Variants in RPS6KA5 observed in about 807,000 individuals in gnomAD.
RPS6KA5 encodes the protein ribosomal protein S6 kinase alpha-5.
A neutral mutation model predicts 85.5 loss-of-function variants in RPS6KA5; 27 were observed. The observed-to-expected ratio is 0.32, with a 90% CI of 0.23 to 0.44. RPS6KA5 has a LOEUF of 0.44. Among genes scored for constraint, RPS6KA5 ranks in the 20% least tolerant of loss-of-function variants. RPS6KA5 has a pLI of 1.00. For synonymous variants in RPS6KA5, 334 were observed against 348.2 expected (o/e 0.96, Z 0.46); for missense variants, 811 against 980.9 (o/e 0.83, Z 2.31).
chr14:91,028,428 GC>G (rs1355277375), intron 1 of RPS6KA5, among the ~76,000 whole-genome samples: 1 of 152,062 alleles, frequency 6.6e-6, no homozygotes, highest in Non-Finnish European at 1.5e-5. Flanking sequence ...CGTTGCCCAG[GC>G]TGGTCTCAAA....
At chr14:91,045,072 T>C (rs1730914395) in intron 1 of RPS6KA5, among the ~76,000 whole-genome samples, 1 of 152,084 alleles carries the variant, frequency 6.6e-6, no homozygotes. Flanking sequence ...AATTTAGGTC[T>C]CATAAGGATT....
In RPS6KA5 at chr14:90,869,118, C is replaced by CT. The variant is rs2032938845; in HGVS notation, c.*2955dup. 1 of 152,354 alleles carries CT rather than the reference C, an allele frequency of 6.6e-6. No individual in the cohort carries two copies. The highest frequency in any genetic ancestry group is 1.5e-5 in the Non-Finnish European group (1 of 68,176). 9.4% of individuals were successfully genotyped at this position (152,354 alleles called of 1,614,324 possible). On this transcript the variant is annotated 3_prime_UTR_variant, in exon 17 of 17. Coordinates refer to ENST00000614987, the MANE Select transcript of RPS6KA5 (RefSeq NM_004755.4). ...AGTGCAGTGGTGTGATCACAGCTCA[C>CT]TGCAGCCTCGAACTCCTGGGCTCAA...
At chr14:91,033,693 A>C (rs2042284929) in intron 1 of RPS6KA5, among the ~76,000 whole-genome samples, 5 of 152,252 alleles carry the variant, frequency 3.3e-5, no homozygotes. Flanking sequence ...TAATAAAACT[A>C]TTTTGAGATA....
intron 3 of RPS6KA5, among the ~76,000 whole-genome samples, chr14:90,968,851 G>A (rs1025602201): frequency 2.0e-5 from 3 of 152,160 alleles, no homozygotes; most frequent in African/African-American, 7.2e-5. Context: ...TCTTGTTCAA[G>A]ATCACACAGT....
intron 4 of RPS6KA5, among the ~76,000 whole-genome samples, chr14:90,946,491 A>C (rs1433321197): frequency 6.6e-6 from 1 of 151,792 alleles, no homozygotes; most frequent in Non-Finnish European, 1.5e-5. Flanking sequence ...TCACGGCCTC[A>C]CCCACCTGTT....
At chr14:91,041,906 G>GAA (rs2042618343) in intron 1 of RPS6KA5, among the ~76,000 whole-genome samples, 1 of 152,120 alleles carries the variant, frequency 6.6e-6, no homozygotes, top group Non-Finnish European at 1.5e-5. Context: ...GAGTCAATAA[G>GAA]AAAACAAATG....
chr14:90,980,161 T>C (rs1193158904), intron 2 of RPS6KA5, among the ~76,000 whole-genome samples: 2 of 152,156 alleles, frequency 1.3e-5, no homozygotes, highest in African/African-American at 2.4e-5. Flanking sequence ...AATAAAAAAA[T>C]GTTTATCTAT....
At chr14:90,905,383 G>C (rs934716703) in intron 8 of RPS6KA5, among the ~76,000 whole-genome samples, 1 of 152,076 alleles carries the variant, frequency 6.6e-6, no homozygotes, top group African/African-American at 2.4e-5. Flanking sequence ...TTTAGGTCAG[G>C]CTTACTGATA....
intron 3 of RPS6KA5, among the ~76,000 whole-genome samples, chr14:90,951,455 A>G (rs2038182790): frequency 1.3e-5 from 2 of 152,178 alleles, no homozygotes; most frequent in South Asian, 4.1e-4. Flanking sequence ...AGCCTGGGCG[A>G]CAGAGTGAGA....
intron 5 of RPS6KA5, among the ~76,000 whole-genome samples, chr14:90,932,619 C>G (rs1224758000): frequency 6.6e-6 from 1 of 152,202 alleles, no homozygotes. Flanking sequence ...AGAAGACCTT[C>G]TATAAGCTGC....
In RPS6KA5 at chr14:90,861,070, T is replaced by C. The variant is rs1039280352; in HGVS notation, c.*11004A>G. ...CCACTCCTGGCTCATTTTTTGTATT[T>C]TTAGTAGAAACGGGGTTTCACCATG... On this transcript the variant is annotated 3_prime_UTR_variant, in exon 17 of 17. Transcript: ENST00000614987. 1 of 151,578 alleles carries C rather than the reference T, an allele frequency of 6.6e-6. No individual in the cohort carries two copies. The highest frequency in any genetic ancestry group is 6.6e-5 in the Admixed American group (1 of 15,252). The allele number at this position is 151,578 out of a possible 1,614,324, so 9.4% of individuals were successfully genotyped here. A position where few individuals can be genotyped will look rare whatever the true frequency, so the allele number is the denominator to read the frequency against.
chr14:90,914,164 G>A (rs2035980328), intron 7 of RPS6KA5, among the ~76,000 whole-genome samples: 1 of 151,496 alleles, frequency 6.6e-6, no homozygotes, highest in South Asian at 2.1e-4. Context: ...CAGAGGTGGC[G>A]GCAAAGAATC....
At chr14:90,996,858 A>G (rs961080980) in intron 2 of RPS6KA5, among the ~76,000 whole-genome samples, 2 of 152,208 alleles carry the variant, frequency 1.3e-5, no homozygotes, top group Non-Finnish European at 2.9e-5. Context: ...ATACTCATCC[A>G]TTCATTCAAA....
At position 90,928,319 on chromosome 14, in the gene RPS6KA5, A is replaced by G. The variant is rs549865824; in HGVS notation, c.619-5123T>C. Reference sequence around the variant, plus strand: ...TAAAAATTCACAGCTTTATTTTAAAAAGATTAAATATTAGTGAGCTGGATG... The same window carrying G: ...TAAAAATTCACAGCTTTATTTTAAAGAGATTAAATATTAGTGAGCTGGATG... On this transcript the variant is annotated intron_variant, in intron 5 of 16. Transcript: ENST00000614987. 7.9e-5 allele frequency among the ~76,000 whole-genome samples: 12 copies of G among 152,238 alleles called. No homozygotes were observed. The South Asian group carries it at 2.5e-3, about 32-fold the overall frequency.
intron 1 of RPS6KA5, among the ~76,000 whole-genome samples, chr14:91,028,237 A>AT (rs199973334): frequency 3.1e-4 from 46 of 148,284 alleles, no homozygotes; most frequent in African/African-American, 6.4e-4. Flanking sequence ...AATTTACATG[A>AT]TTTTTTTTTT....
At chr14:90,944,207 A>G (rs1055505128) in intron 4 of RPS6KA5, among the ~76,000 whole-genome samples, 13 of 152,204 alleles carry the variant, frequency 8.5e-5, no homozygotes, top group Non-Finnish European at 1.5e-4. Flanking sequence ...TCATGTTTTC[A>G]GTTATGTCAG....
intron 2 of RPS6KA5, among the ~76,000 whole-genome samples, chr14:90,996,303 C>T (rs894997574): frequency 3.3e-5 from 5 of 151,660 alleles, no homozygotes; most frequent in Admixed American, 2.0e-4. Context: ...TCTCAAAGTG[C>T]TGAGATTACA....
Position 90,920,226 on chromosome 14 carries a change from A to AT in RPS6KA5, c.785dup (p.Asn262LysfsTer5). 1 of 1,608,906 alleles carries AT rather than the reference A, an allele frequency of 6.2e-7. No homozygotes were observed. Among genetic ancestry groups the AT allele is most frequent in the Non-Finnish European group, 8.5e-7 (1 of 1,175,774 alleles). On this transcript the variant is annotated frameshift_variant, in exon 7 of 17. Coordinates refer to ENST00000614987, the MANE Select transcript of RPS6KA5 (RefSeq NM_004755.4). LOFTEE classifies it high-confidence loss of function. Reference sequence around the variant, plus strand: ...CTTACCTAGATATCTCAGCTTGGGAATTTTTTTCTCCATCAACAGTGAAAG... The same window carrying AT: ...CTTACCTAGATATCTCAGCTTGGGAATTTTTTTTCTCCATCAACAGTGAAAG...
intron 2 of RPS6KA5, among the ~76,000 whole-genome samples, chr14:90,983,742 C>A (rs2039912276): frequency 6.6e-6 from 1 of 151,880 alleles, no homozygotes; most frequent in Non-Finnish European, 1.5e-5. Context: ...CAAAAGAGAA[C>A]ATGAAGTTCT....
Sources: gnomAD v4.1 joint callset for allele counts (sites outside exome capture counted in the v4.1 genomes callset) on GRCh38, gnomAD v4.1.1 for gene constraint, MANE v1.5 for transcripts, NCBI Gene and HGNC (gene_info 2026-07-23, HGNC 2026-07-21) for gene names.